Variants in ANK3 observed in about 807,000 individuals in gnomAD.
The protein encoded by ANK3 is ankyrin 3, also known as ankyrin-3.
A neutral mutation model predicts 370.9 loss-of-function variants in ANK3; 57 were observed. The observed-to-expected ratio is 0.15, with a 90% CI of 0.12 to 0.19. ANK3 has a LOEUF of 0.19. Ranked by LOEUF, ANK3 falls within the 10% of genes least tolerant of loss-of-function variation. The pLI, the probability that ANK3 is intolerant of heterozygous loss-of-function variation, is 1.00. For missense variants in ANK3, 4,439 were observed against 5,302.1 expected (o/e 0.84, Z 5.06); for synonymous variants, 1,929 against 1,946.3 (o/e 0.99, Z 0.23).
At chr10:60,521,669 T>TA (rs2076350247) in intron 2 of ANK3, among the ~76,000 whole-genome samples, 1 of 152,136 alleles carries the variant, frequency 6.6e-6, no homozygotes, top group African/African-American at 2.4e-5. Flanking sequence ...TTTAATGTTT[T>TA]ACATTTGAAA....
At chr10:60,718,068 A>C (rs1015365018) in intron 1 of ANK3, among the ~76,000 whole-genome samples, 2 of 152,364 alleles carry the variant, frequency 1.3e-5, no homozygotes. Context: ...CTGATCAACT[A>C]TCAGCCTGTG....
chr10:60,240,123 CAT>C lies in ANK3; in HGVS notation c.799-5339_799-5338del, dbSNP rs1205095561. Among the ~76,000 whole-genome samples the C allele has an allele frequency of 8.8e-3, 733 of 83,006 alleles. 8 individuals carry two copies. Among genetic ancestry groups the C allele is most frequent in the African/African-American group, 0.029 (681 of 23,442 alleles). The allele number at this position is 83,006 out of a possible 152,430, so 54.5% of individuals were successfully genotyped here. ...ACACATAAATACATATATATACACA[CAT>C]ATATATACATATATATACACATATA... On this transcript the variant is annotated intron_variant, in intron 7 of 43. Coordinates refer to ENST00000280772, the MANE Select transcript of ANK3 (RefSeq NM_020987.5).
intron 23 of ANK3, chr10:60,140,778 C>T: frequency 9.6e-7 from 1 of 1,037,158 alleles, no homozygotes; most frequent in Non-Finnish European, 1.2e-6. Flanking sequence ...ATGAGGACTG[C>T]TCCGGTGTAG....
intron 8 of ANK3, among the ~76,000 whole-genome samples, chr10:60,216,590 C>T (rs960613283): frequency 6.6e-6 from 1 of 152,154 alleles, no homozygotes; most frequent in Non-Finnish European, 1.5e-5. Context: ...TAAGTTGAAC[C>T]AGCCTTGCAT....
intron 2 of ANK3, among the ~76,000 whole-genome samples, chr10:60,490,045 G>C (rs551755478): frequency 1.4e-4 from 21 of 152,184 alleles, no homozygotes; most frequent in African/African-American, 5.1e-4. Context: ...CTTAACCCCT[G>C]GAACCCACTG....
At chr10:60,205,678 A>C in intron 11 of ANK3, 114 bp downstream of exon 11, 1 of 745,536 alleles carries the variant, frequency 1.3e-6, no homozygotes, top group Non-Finnish European at 2.4e-6. Flanking sequence ...AATGCAGTCT[A>C]TGGCCATGAT....
chr10:60,167,538 T>TACCC (rs2095654205), intron 21 of ANK3, among the ~76,000 whole-genome samples: 1 of 152,184 alleles, frequency 6.6e-6, no homozygotes, highest in Non-Finnish European at 1.5e-5. Context: ...ACTTAGATTA[T>TACCC]ACCCACCCAA....
At chr10:60,372,591 G>A (rs1431191816) in intron 1 of ANK3, among the ~76,000 whole-genome samples, 2 of 152,212 alleles carry the variant, frequency 1.3e-5, no homozygotes, top group African/African-American at 4.8e-5. Context: ...TGGGGGCTAT[G>A]TTCAGAGATA....
intron 1 of ANK3, among the ~76,000 whole-genome samples, chr10:60,623,406 G>T (rs139947045): frequency 1.2e-3 from 188 of 152,272 alleles, no homozygotes; most frequent in African/African-American, 4.2e-3. Context: ...CACAAGGATG[G>T]GTTGGAGTTT....
intron 1 of ANK3, among the ~76,000 whole-genome samples, chr10:60,639,172 C>G (rs750341134): frequency 1.3e-5 from 2 of 151,400 alleles, no homozygotes; most frequent in Non-Finnish European, 2.9e-5. Context: ...AAAATAAGAA[C>G]GACAGAAGAT....
At position 60,560,202 on chromosome 10, in the gene ANK3, T is replaced by C. The variant is rs184329063; in HGVS notation, c.96+54984A>G. On this transcript the variant is annotated intron_variant, in intron 2 of 43. Transcript: ENST00000373827. ...AAAAGCACTTTCATCAAGTGGACTA[T>C]TAAAAGAAAATTTGTCATTTAAGCA... Among the ~76,000 whole-genome samples, 44 of 152,342 alleles carry C rather than the reference T, an allele frequency of 2.9e-4. 1 individual carries two copies. In the East Asian group the frequency reaches 6.0e-3, roughly 21 times the overall value.
At chr10:60,037,935 T>G (rs1285951854) in intron 43 of ANK3, among the ~76,000 whole-genome samples, 1 of 152,256 alleles carries the variant, frequency 6.6e-6, no homozygotes, top group African/African-American at 2.4e-5. Context: ...TTTCCTTTTC[T>G]CCACAACCTT....
At chr10:60,475,052 T>C (rs1018016600) in intron 2 of ANK3, among the ~76,000 whole-genome samples, 2 of 152,154 alleles carry the variant, frequency 1.3e-5, no homozygotes, top group African/African-American at 4.8e-5. Context: ...ATTCAGGAGC[T>C]ACCATTCACA....
chr10:60,072,160 C>T lies in ANK3; in HGVS notation c.8721G>A (p.Leu2907=). 1 of 1,613,776 alleles carries T rather than the reference C, an allele frequency of 6.2e-7. No individual in the cohort carries two copies. Among genetic ancestry groups the T allele is most frequent in the South Asian group, 1.1e-5 (1 of 91,014 alleles). ...TTTCTGAGAGAGAGCCGTTTGTTAACAATTTGCGTTCTCTCTCAGTCACAG... is the reference window on the plus strand; with the variant it reads ...TTTCTGAGAGAGAGCCGTTTGTTAATAATTTGCGTTCTCTCTCAGTCACAG... ...FMSVTERERK[L]LTNGSLSEIK... The change falls in exon 37 of 44, where the codon TTG becomes TTA. Residue 2907 remains leucine, a synonymous_variant. Transcript: ENST00000280772.
At chr10:60,619,509 A>G (rs531732756) in intron 1 of ANK3, among the ~76,000 whole-genome samples, 82 of 152,348 alleles carry the variant, frequency 5.4e-4, no homozygotes, top group African/African-American at 1.9e-3. Context: ...TTCATAGGCC[A>G]GGCCATATAT....
intron 1 of ANK3, among the ~76,000 whole-genome samples, chr10:60,383,847 G>T (rs2061881455): frequency 2.0e-5 from 3 of 152,116 alleles, no homozygotes. Flanking sequence ...TTAGGAATGG[G>T]GAAAGCCTGT....
intron 2 of ANK3, among the ~76,000 whole-genome samples, chr10:60,498,204 T>C (rs1024219206): frequency 7.2e-5 from 11 of 152,216 alleles, no homozygotes; most frequent in Non-Finnish European, 1.3e-4. Context: ...TCACATTCTC[T>C]TGATCTTTTA....
intron 28 of ANK3, among the ~76,000 whole-genome samples, chr10:60,105,087 G>A (rs1370363928): frequency 6.6e-6 from 1 of 152,114 alleles, no homozygotes; most frequent in African/African-American, 2.4e-5. Flanking sequence ...ATTATATCTC[G>A]AATAAAGCTG....
At chr10:60,274,105 T>G (rs1440459074) in intron 4 of ANK3, among the ~76,000 whole-genome samples, 1 of 152,110 alleles carries the variant, frequency 6.6e-6, no homozygotes, top group Non-Finnish European at 1.5e-5. Context: ...CCTGAGTAGC[T>G]AGGACTATGG....
Sources: gnomAD v4.1 joint callset for allele counts (sites outside exome capture counted in the v4.1 genomes callset) on GRCh38, gnomAD v4.1.1 for gene constraint, MANE v1.5 for transcripts, NCBI Gene and HGNC (gene_info 2026-07-23, HGNC 2026-07-21) for gene names.